Variants in KCNIP1 observed in about 807,000 individuals in gnomAD.
The protein encoded by KCNIP1 is A-type potassium channel modulatory protein KCNIP1.
In KCNIP1, 18 loss-of-function variants were observed where a neutral mutation model predicts 33.0. The observed-to-expected ratio is 0.55, with a 90% confidence interval of 0.38 to 0.81. KCNIP1 has a LOEUF of 0.81. Among genes scored for constraint, KCNIP1 ranks in the 30% least tolerant of loss-of-function variants. The probability of loss-of-function intolerance (pLI) is 0.00; values close to 1 mark genes in which losing one functional copy is unlikely to be tolerated. For missense variants in KCNIP1, 238 were observed against 271.6 expected (o/e 0.88, Z 0.87); for synonymous variants, 93 against 98.3 (o/e 0.95, Z 0.32).
intron 1 of KCNIP1, among the ~76,000 whole-genome samples, chr5:170,590,760 G>C (rs1057010463): frequency 2.6e-5 from 4 of 152,226 alleles, no homozygotes; most frequent in Admixed American, 2.6e-4. Context: ...AAGTGTCTGT[G>C]GCTGAAACCA....
At chr5:170,557,498 C>G (rs1319684888) in intron 1 of KCNIP1, among the ~76,000 whole-genome samples, 1 of 152,158 alleles carries the variant, frequency 6.6e-6, no homozygotes, top group Non-Finnish European at 1.5e-5. Flanking sequence ...GAGCCTCCTG[C>G]TGTGTCCCAA....
intron 1 of KCNIP1, among the ~76,000 whole-genome samples, chr5:170,373,592 C>T (rs1425832641): frequency 2.0e-5 from 3 of 152,122 alleles, no homozygotes; most frequent in Non-Finnish European, 4.4e-5. Flanking sequence ...ACAAAAATAA[C>T]ATATTTTTTT....
rs570265523 is a variant in KCNIP1 at position 170,657,909 on chromosome 5, G to A, written c.62-60849G>A. ...AAATGAATATAATACCCAGGCTATGGCCTCAAAACCTTCAAAACCCAGGGC... is the reference window on the plus strand; with the variant it reads ...AAATGAATATAATACCCAGGCTATGACCTCAAAACCTTCAAAACCCAGGGC... On this transcript the variant is annotated intron_variant, in intron 1 of 7. Transcript: ENST00000328939. Among the ~76,000 whole-genome samples the A allele has an allele frequency of 5.9e-5, 9 of 152,294 alleles. No homozygotes were observed. The East Asian group carries it at 1.7e-3, about 29-fold the overall frequency.
At chr5:170,508,563 C>T (rs1754804231) in intron 1 of KCNIP1, among the ~76,000 whole-genome samples, 1 of 152,216 alleles carries the variant, frequency 6.6e-6, no homozygotes, top group Non-Finnish European at 1.5e-5. Context: ...AAGGGGCAGG[C>T]CTTTGGCAAG....
chr5:170,616,242 G>C (rs1410755340), intron 1 of KCNIP1, among the ~76,000 whole-genome samples: 3 of 152,152 alleles, frequency 2.0e-5, no homozygotes, highest in Non-Finnish European at 4.4e-5. Flanking sequence ...AAATGTAGAA[G>C]GGCCTGGTAC....
Position 170,504,406 on chromosome 5 carries a change from G to A in KCNIP1, c.-167G>A. On this transcript the variant is annotated 5_prime_UTR_variant, in exon 1 of 8. Coordinates refer to ENST00000328939, the MANE Select transcript of KCNIP1 (RefSeq NM_014592.4). This position sits in a 1 kb window ranked among gnomAD's most constrained non-coding sequence, Gnocchi z 6.0. ...TGTGCGGGGCTGAAGAAGGAAGCCAGAAGCCTCCTAGCCTCGCCTCCACGC... is the reference window on the plus strand; with the variant it reads ...TGTGCGGGGCTGAAGAAGGAAGCCAAAAGCCTCCTAGCCTCGCCTCCACGC... 2 of 1,447,486 alleles carry A rather than the reference G, an allele frequency of 1.4e-6. No homozygotes were observed. Among genetic ancestry groups the A allele is most frequent in the Non-Finnish European group, 1.8e-6 (2 of 1,106,626 alleles). The allele number at this position is 1,447,486 out of a possible 1,614,324, so 89.7% of individuals were successfully genotyped here.
Position 170,595,940 on chromosome 5 carries a change from G to C in KCNIP1, c.61+91307G>C, listed in dbSNP as rs116047126. On this transcript the variant is annotated intron_variant, in intron 1 of 7. Coordinates refer to ENST00000328939, the MANE Select transcript of KCNIP1 (RefSeq NM_014592.4). ...AAGGTGTGCATGTGAGATGCATGTG[G>C]GAGTCAGTGTCTCGGGTGGTGAGCT... Among the ~76,000 whole-genome samples, 723 of 152,202 alleles carry C rather than the reference G, an allele frequency of 4.8e-3. 6 individuals carry two copies. The highest frequency in any genetic ancestry group is 0.016 in the African/African-American group (675 of 41,532).
rs370770785 is a variant in KCNIP1, at chr5:170,564,086, C to T, written c.61+59453C>T. 1.9e-4 allele frequency among the ~76,000 whole-genome samples: 29 copies of T among 152,316 alleles called. No individual in the cohort carries two copies. The East Asian group carries it at 4.4e-3, about 23-fold the overall frequency. ...GTCACAGTGCACTGTAAACACATTA[C>T]GAACCAGCTATGCAATAACAATCTG... On this transcript the variant is annotated intron_variant, in intron 1 of 7. Coordinates refer to ENST00000328939, the MANE Select transcript of KCNIP1 (RefSeq NM_014592.4).
chr5:170,531,555 A>G lies in KCNIP1; in HGVS notation c.61+26922A>G, dbSNP rs566951775. 3.9e-5 allele frequency among the ~76,000 whole-genome samples: 6 copies of G among 152,356 alleles called. No homozygotes were observed. The South Asian group carries it at 1.2e-3, about 32-fold the overall frequency. ...AACAATTATTCCCATCATTGGTAAC[A>G]TCCTAAGTCCTAAGGTACCTGGAGC... is the stretch of plus-strand genomic sequence containing the variant. On this transcript the variant is annotated intron_variant, in intron 1 of 7. Coordinates refer to ENST00000328939, the MANE Select transcript of KCNIP1 (RefSeq NM_014592.4).
At chr5:170,406,169 G>A (rs1755033504) in intron 1 of KCNIP1, among the ~76,000 whole-genome samples, 1 of 151,838 alleles carries the variant, frequency 6.6e-6, no homozygotes, top group African/African-American at 2.4e-5. Flanking sequence ...AAAATATTTG[G>A]CTCTAATATA....
At chr5:170,562,513 G>A (rs1001376355) in intron 1 of KCNIP1, among the ~76,000 whole-genome samples, 4 of 152,192 alleles carry the variant, frequency 2.6e-5, no homozygotes, top group African/African-American at 9.6e-5. Context: ...GTAAATGAAT[G>A]CTGTCTTCAC....
At chr5:170,566,950 AAG>A (rs1757225793) in intron 1 of KCNIP1, among the ~76,000 whole-genome samples, 1 of 152,212 alleles carries the variant, frequency 6.6e-6, no homozygotes, top group Non-Finnish European at 1.5e-5. Flanking sequence ...TATTCAGAGA[AAG>A]AGTGTGATTT....
intron 1 of KCNIP1, among the ~76,000 whole-genome samples, chr5:170,388,897 A>G (rs932555472): frequency 1.1e-4 from 16 of 152,234 alleles, no homozygotes; most frequent in Non-Finnish European, 1.5e-5. Context: ...CTAACGAAGG[A>G]AACCCTGAAA....
chr5:170,661,910 T>A (rs1761509872), intron 1 of KCNIP1, among the ~76,000 whole-genome samples: 1 of 152,160 alleles, frequency 6.6e-6, no homozygotes, highest in Non-Finnish European at 1.5e-5. Context: ...CCCCTCTCAA[T>A]GTGTACAACA....
chr5:170,570,192 C>T (rs899376719), intron 1 of KCNIP1, among the ~76,000 whole-genome samples: 5 of 152,196 alleles, frequency 3.3e-5, no homozygotes, highest in African/African-American at 1.2e-4. Flanking sequence ...ATCACACTCC[C>T]TTATAAAATC....
upstream of KCNIP1, chr5:170,503,985 C>CCCGCCGCCCCCT (rs540642345): frequency 4.2e-4 from 391 of 938,008 alleles, 6 homozygotes; most frequent in South Asian, 0.014. Context: ...TAGTTGCCCG[C>CCCGCCGCCCCCT]CCGCCGCCCC....
intron 1 of KCNIP1, among the ~76,000 whole-genome samples, chr5:170,429,360 T>C (rs1203230935): frequency 6.7e-6 from 1 of 148,154 alleles, no homozygotes; most frequent in East Asian, 2.0e-4. Flanking sequence ...GCCTAGTCTC[T>C]CTTCCTTATT....
intron 1 of KCNIP1, among the ~76,000 whole-genome samples, chr5:170,694,543 T>G (rs1351359843): frequency 6.6e-6 from 1 of 152,188 alleles, no homozygotes; most frequent in Admixed American, 6.5e-5. Context: ...GGAAGCAGTG[T>G]GGCATGATTA....
At position 170,646,042 on chromosome 5, in the gene KCNIP1, G is replaced by T. The variant is rs546951270; in HGVS notation, c.62-72716G>T. On this transcript the variant is annotated intron_variant, in intron 1 of 7. Coordinates refer to ENST00000328939, the MANE Select transcript of KCNIP1 (RefSeq NM_014592.4). ...TAAAGTAAATAATCTGCCAAAATTC[G>T]CACAAGAAGAAATAGATAATCTTAA... Among the ~76,000 whole-genome samples the T allele has an allele frequency of 5.9e-5, 9 of 152,158 alleles. No homozygotes were observed. In the South Asian group the frequency reaches 1.9e-3, roughly 32 times the overall value.
Sources: allele counts gnomAD v4.1 joint callset (sites outside exome capture counted in the v4.1 genomes callset), GRCh38; gene constraint gnomAD v4.1.1; non-coding constraint Gnocchi (gnomAD v3.1); transcripts MANE v1.5; gene names NCBI Gene and HGNC (gene_info 2026-07-23, HGNC 2026-07-21).